DIP2C: variants seen among roughly 807,000 people sequenced by gnomAD.
The protein encoded by DIP2C is DIP2 acetate--CoA ligase C (putative).
Under a neutral mutation model 192.4 loss-of-function variants are expected in DIP2C, and 33 were observed. The ratio of observed to expected loss-of-function variants is 0.17; its 90% CI spans 0.13 to 0.23. The LOEUF is 0.23. DIP2C is among the 10% of genes least tolerant of loss of function. DIP2C has a pLI of 1.00. For synonymous variants in DIP2C, 979 were observed against 864.1 expected (o/e 1.13, Z -2.33); for missense variants, 1,537 against 2,110.1 (o/e 0.73, Z 5.32).
At chr10:515,950 TTTAGC>T (rs1245899551) in intron 1 of DIP2C, among the ~76,000 whole-genome samples, 1 of 151,696 alleles carries the variant, frequency 6.6e-6, no homozygotes, top group Non-Finnish European at 1.5e-5. Flanking sequence ...ACACGGAGAG[TTTAGC>T]TGCAGAAAGT....
chr10:433,811 A>G (rs114001186), intron 4 of DIP2C, among the ~76,000 whole-genome samples: 2,479 of 152,334 alleles, frequency 0.016, 77 homozygotes, highest in African/African-American at 0.056. Flanking sequence ...GGGTGCATTT[A>G]GACTGACATT....
intron 8 of DIP2C, among the ~76,000 whole-genome samples, 187 bp downstream of exon 8, chr10:413,722 TTAAG>T (rs1965337610): frequency 6.7e-6 from 1 of 148,838 alleles, no homozygotes; most frequent in Non-Finnish European, 1.5e-5. Context: ...CCGGATTACC[TTAAG>T]TGAGGATTTA....
intron 1 of DIP2C, among the ~76,000 whole-genome samples, chr10:510,016 G>A (rs376716257): frequency 3.3e-5 from 5 of 152,204 alleles, no homozygotes; most frequent in East Asian, 1.9e-4. Context: ...GGGGTGCAGC[G>A]CGGCCTGCAG....
chr10:305,843 G>A (rs542640923), intron 32 of DIP2C, among the ~76,000 whole-genome samples: 7 of 152,042 alleles, frequency 4.6e-5, no homozygotes, highest in South Asian at 2.1e-4. Context: ...ATGGAGTCTC[G>A]CTATGTTGCC....
chr10:603,948 C>CA (rs1852280399), intron 1 of DIP2C, among the ~76,000 whole-genome samples: 1 of 150,940 alleles, frequency 6.6e-6, no homozygotes, highest in Admixed American at 6.6e-5. Context: ...GGCACCCCTC[C>CA]AACCACTGCC....
intron 16 of DIP2C, 94 bp from the exon 17 acceptor site, chr10:382,855 G>C (rs1212993113): frequency 7.6e-6 from 6 of 789,576 alleles, no homozygotes; most frequent in Non-Finnish European, 1.2e-5. Flanking sequence ...GTGGGATTCA[G>C]GCACAAGTGG....
chr10:522,075 C>T (rs1236098759), intron 1 of DIP2C, among the ~76,000 whole-genome samples: 2 of 151,834 alleles, frequency 1.3e-5, no homozygotes, highest in East Asian at 3.9e-4. Flanking sequence ...AGCCCCTATG[C>T]TCCTCCCATT....
At chr10:364,023 G>C (rs888420808) in intron 20 of DIP2C, among the ~76,000 whole-genome samples, 2 of 152,220 alleles carry the variant, frequency 1.3e-5, no homozygotes, top group Non-Finnish European at 2.9e-5. Flanking sequence ...ACAAGTCTGT[G>C]ACTGAACCAT....
At chr10:560,458 C>CA (rs1849146505) in intron 1 of DIP2C, among the ~76,000 whole-genome samples, 1 of 152,082 alleles carries the variant, frequency 6.6e-6, no homozygotes, top group African/African-American at 2.4e-5. Flanking sequence ...CTTAATGTAT[C>CA]AGCACACAGA....
chr10:597,227 T>TG (rs928224865), intron 1 of DIP2C, among the ~76,000 whole-genome samples: 2 of 152,126 alleles, frequency 1.3e-5, no homozygotes, highest in Non-Finnish European at 2.9e-5. Context: ...CAGACCTGGG[T>TG]GGGATCTGCA....
At chr10:594,298 T>C (rs945839489) in intron 1 of DIP2C, among the ~76,000 whole-genome samples, 3 of 152,150 alleles carry the variant, frequency 2.0e-5, no homozygotes, top group Non-Finnish European at 4.4e-5. Context: ...CTAAGAATAC[T>C]GCACAACCCC....
chr10:345,222 G>C, intron 26 of DIP2C, 112 bp from the exon 27 acceptor site: 1 of 1,066,906 alleles, frequency 9.4e-7, no homozygotes, highest in Non-Finnish European at 1.4e-6. Flanking sequence ...AGCTTTAACG[G>C]GCAGATGAGG....
intron 1 of DIP2C, among the ~76,000 whole-genome samples, chr10:511,010 C>T (rs770823148): frequency 6.6e-6 from 1 of 152,204 alleles, no homozygotes; most frequent in Non-Finnish European, 1.5e-5. Flanking sequence ...TATTAGCCTT[C>T]GAGATGCAGT....
rs561841073 is a variant in DIP2C, at chr10:415,317, TTTAAG to T, written c.859+447_859+451del. ...AGCAGTTCTTGTGCTTTATTTCAAC[TTTAAG>T]TTGTTTGTCTAAAAAGACCCAGGAG... On this transcript the variant is annotated intron_variant, in intron 7 of 36. Transcript: ENST00000280886. Among the ~76,000 whole-genome samples the T allele has an allele frequency of 1.6e-3, 248 of 152,244 alleles. 2 individuals carry two copies. The highest frequency in any genetic ancestry group is 6.8e-3 in the Middle Eastern group (2 of 294).
At chr10:645,847 C>T (rs1176969522) in intron 1 of DIP2C, among the ~76,000 whole-genome samples, 1 of 152,154 alleles carries the variant, frequency 6.6e-6, no homozygotes, top group African/African-American at 2.4e-5. Flanking sequence ...CACAATAGTT[C>T]AGGAAACACT....
intron 1 of DIP2C, among the ~76,000 whole-genome samples, chr10:587,191 G>A (rs902387631): frequency 6.6e-5 from 10 of 151,660 alleles, no homozygotes; most frequent in African/African-American, 2.2e-4. Flanking sequence ...GGCAAACAGT[G>A]CAGGGTCTAA....
chr10:503,331 C>CTGTTT (rs1845381929), intron 1 of DIP2C, among the ~76,000 whole-genome samples: 4 of 152,178 alleles, frequency 2.6e-5, no homozygotes, highest in African/African-American at 9.7e-5. Context: ...AATAAACGTT[C>CTGTTT]CAATTTAAAA....
At position 472,344 on chromosome 10, in the gene DIP2C, C is replaced by T. The variant is rs1564753420; in HGVS notation, c.268+95G>A. 5 of 1,164,000 alleles carry T rather than the reference C, an allele frequency of 4.3e-6. No individual in the cohort carries two copies. The East Asian group carries it at 9.6e-5, about 22-fold the overall frequency. 72.1% of individuals were successfully genotyped at this position (1,164,000 alleles called of 1,614,324 possible). A position where few individuals can be genotyped will look rare whatever the true frequency, so the allele number is the denominator to read the frequency against. On this transcript the variant is annotated intron_variant, in intron 3 of 36. Coordinates refer to ENST00000280886, the MANE Select transcript of DIP2C (RefSeq NM_014974.3). ...CCCCTCGCGTGCTGCAGGTCCACGC[C>T]CACTGCACTTCTGCCTCGCCCAGTG... is the stretch of plus-strand genomic sequence containing the variant.
In DIP2C at chr10:390,814, G is replaced by A; in HGVS notation, c.1310C>T (p.Thr437Ile). The change falls in exon 11 of 37, where the codon ACT (threonine) becomes ATT (isoleucine). Residue 437 changes from threonine (T) to isoleucine (I), a missense_variant. Around this residue, in one of 4 missense-constraint regions of DIP2C, gnomAD observed 677 missense variants for 989.9 expected, o/e 0.68. Coordinates refer to ENST00000280886, the MANE Select transcript of DIP2C (RefSeq NM_014974.3). ...IGFLLGSCGV[T>I]VALTSDACHK... is the part of the protein sequence containing the mutation. ...GCAGGCGTCACTAGTCAAGGCTACA[G>A]TAACTCCACAGCTTCCAAGCAAGAA... is the stretch of plus-strand genomic sequence containing the variant. The A allele has an allele frequency of 1.9e-6, 3 of 1,614,162 alleles. No homozygotes were observed. Among genetic ancestry groups the A allele is most frequent in the Non-Finnish European group, 2.5e-6 (3 of 1,180,024 alleles).
Sources: allele counts gnomAD v4.1 joint callset (sites outside exome capture counted in the v4.1 genomes callset), GRCh38; gene constraint gnomAD v4.1.1; regional missense constraint gnomAD v4.1.1; transcripts MANE v1.5; gene names NCBI Gene and HGNC (gene_info 2026-07-23, HGNC 2026-07-21).